Variants in AFAP1 observed in about 807,000 individuals in gnomAD.
AFAP1 encodes the protein actin filament-associated protein 1.
In AFAP1, 75 loss-of-function variants were observed where a neutral mutation model predicts 93.9. The observed-to-expected ratio is 0.80, with a 90% CI of 0.66 to 0.97. The LOEUF (loss-of-function observed/expected upper bound fraction) is 0.97, where lower values mean the gene tolerates loss of function less well. AFAP1 is among the 50% of genes least tolerant of loss of function. The probability of loss-of-function intolerance (pLI) is 0.00; values close to 1 mark genes in which losing one functional copy is unlikely to be tolerated. For missense variants in AFAP1, 1,201 were observed against 1,050.8 expected (o/e 1.14, Z -1.98); for synonymous variants, 517 against 430.7 (o/e 1.20, Z -2.48).
intron 3 of AFAP1, among the ~76,000 whole-genome samples, chr4:7,862,993 C>T (rs914029656): frequency 2.6e-5 from 4 of 152,202 alleles, no homozygotes; most frequent in East Asian, 3.9e-4. Context: ...CGGCAGCCAG[C>T]GTCAGCACAG....
At chr4:7,825,496 T>G (rs368245218) in intron 6 of AFAP1, among the ~76,000 whole-genome samples, 1 of 152,148 alleles carries the variant, frequency 6.6e-6, no homozygotes, top group African/African-American at 2.4e-5. Context: ...AATAAACCAT[T>G]AGTCAAAGAA....
chr4:7,930,777 G>T (rs768815763), intron 1 of AFAP1, among the ~76,000 whole-genome samples: 17 of 152,136 alleles, frequency 1.1e-4, no homozygotes, highest in Non-Finnish European at 2.4e-4. Flanking sequence ...TTGAGACAGA[G>T]TCTACCTCTG....
intron 4 of AFAP1, among the ~76,000 whole-genome samples, chr4:7,849,122 G>C (rs1308047914): frequency 1.3e-5 from 2 of 152,156 alleles, no homozygotes; most frequent in Admixed American, 6.5e-5. Context: ...AAGGGGACTG[G>C]AGCGCCACGC....
chr4:7,922,677 T>TG (rs1449047647), intron 1 of AFAP1, among the ~76,000 whole-genome samples: 51 of 152,298 alleles, frequency 3.3e-4, no homozygotes, highest in African/African-American at 1.2e-3. Context: ...AACCTGTCCT[T>TG]GATCTTAACA....
chr4:7,882,479 T>C (rs1364385306), intron 1 of AFAP1, among the ~76,000 whole-genome samples: 1 of 152,076 alleles, frequency 6.6e-6, no homozygotes, highest in Non-Finnish European at 1.5e-5. Context: ...AGACCACTTT[T>C]CCTTACATCA....
chr4:7,815,300 C>T (rs2149062888), intron 8 of AFAP1, among the ~76,000 whole-genome samples: 1 of 152,254 alleles, frequency 6.6e-6, no homozygotes, highest in Non-Finnish European at 1.5e-5. Context: ...TTCGCTCTTG[C>T]AACATTAAAA....
intron 6 of AFAP1, among the ~76,000 whole-genome samples, chr4:7,828,513 T>C (rs566833034): frequency 6.6e-6 from 1 of 152,298 alleles, no homozygotes; most frequent in African/African-American, 2.4e-5. Context: ...GTCCAGTTCT[T>C]GCCCCCAGAA....
intron 9 of AFAP1, among the ~76,000 whole-genome samples, chr4:7,807,813 T>C (rs1719659569): frequency 1.3e-5 from 2 of 152,228 alleles, no homozygotes; most frequent in Non-Finnish European, 2.9e-5. Context: ...CTGTCCTCCC[T>C]TCAAGACAGT....
intron 6 of AFAP1, among the ~76,000 whole-genome samples, chr4:7,823,916 A>G (rs961655982): frequency 6.6e-6 from 1 of 152,246 alleles, no homozygotes; most frequent in Non-Finnish European, 1.5e-5. Flanking sequence ...TCCCCCAGGC[A>G]TAATAACTAT....
Position 7,778,847 on chromosome 4 carries a change from A to G in AFAP1, c.1812T>C (p.Ser604=), listed in dbSNP as rs1246785537. The G allele has an allele frequency of 1.2e-6, 2 of 1,614,034 alleles. No individual in the cohort carries two copies. Among genetic ancestry groups the G allele is most frequent in the East Asian group, 4.5e-5 (2 of 44,882 alleles). ...TCTTCCCTTTTCCTGTGACCCCATT[A>G]GACGCCACGGGGGGCTTTTTACCCT... is the stretch of plus-strand genomic sequence containing the variant. ...QLKGKKPPVA[S]NGVTGKGKTL... is the part of the protein sequence containing the mutation. The change falls in exon 14 of 18, where the codon TCT becomes TCC. Residue 604 remains serine (S), a synonymous_variant. Transcript: ENST00000420658.
At chr4:7,893,093 G>A (rs111933401) in intron 1 of AFAP1, among the ~76,000 whole-genome samples, 2 of 152,254 alleles carry the variant, frequency 1.3e-5, no homozygotes, top group East Asian at 1.9e-4. Flanking sequence ...CCGGTGCCGG[G>A]GGGGCAGAAA....
chr4:7,805,146 T>TC (rs957354635), intron 9 of AFAP1, among the ~76,000 whole-genome samples: 2 of 152,146 alleles, frequency 1.3e-5, no homozygotes, highest in Non-Finnish European at 2.9e-5. Flanking sequence ...AGCGGTCCTC[T>TC]CCCCTTGGCC....
At chr4:7,837,481 T>A (rs770955153) in intron 6 of AFAP1, among the ~76,000 whole-genome samples, 3 of 152,166 alleles carry the variant, frequency 2.0e-5, no homozygotes, top group Non-Finnish European at 2.9e-5. Context: ...AGACACTGAA[T>A]AGAACGGTCC....
intron 5 of AFAP1, among the ~76,000 whole-genome samples, chr4:7,840,305 G>T (rs954640979): frequency 7.6e-6 from 1 of 131,180 alleles, no homozygotes; most frequent in African/African-American, 2.8e-5. Context: ...TTGTTTTTGG[G>T]GTGTGTGTGT....
chr4:7,926,773 G>A (rs534352188), intron 1 of AFAP1, among the ~76,000 whole-genome samples: 4 of 152,038 alleles, frequency 2.6e-5, no homozygotes, highest in Admixed American at 6.5e-5. Context: ...GTCTCCCTGT[G>A]TCGCCCAAGC....
At chr4:7,831,493 T>A (rs79996338) in intron 6 of AFAP1, among the ~76,000 whole-genome samples, 2,320 of 152,134 alleles carry the variant, frequency 0.015, 70 homozygotes, top group African/African-American at 0.053. Context: ...GTAGCTCCCA[T>A]CTGGTGAAAC....
At chr4:7,887,787 T>C (rs951179799) in intron 1 of AFAP1, among the ~76,000 whole-genome samples, 3 of 152,242 alleles carry the variant, frequency 2.0e-5, no homozygotes, top group East Asian at 1.9e-4. Flanking sequence ...GCTATTATAG[T>C]TTTTTAAATT....
intron 1 of AFAP1, among the ~76,000 whole-genome samples, chr4:7,907,060 G>T (rs1719452682): frequency 6.6e-6 from 1 of 151,396 alleles, no homozygotes; most frequent in South Asian, 2.1e-4. Context: ...CCTGTGCTAT[G>T]CAACACAGAG....
In AFAP1 at chr4:7,933,013, C is replaced by T. The variant is rs1273404719; in HGVS notation, c.-3+6643G>A. ...CCAGCCTGGGCAACAGAGTGAGACT[C>T]CCTCTCAAAAAAAAAAAAAAAAAAA... On this transcript the variant is annotated intron_variant, in intron 1 of 17. Transcript: ENST00000420658. Among the ~76,000 whole-genome samples, 5 of 130,754 alleles carry T rather than the reference C, an allele frequency of 3.8e-5. No homozygotes were observed. In the East Asian group the frequency reaches 1.0e-3, roughly 27 times the overall value. The allele number at this position is 130,754 out of a possible 152,430, so 85.8% of individuals were successfully genotyped here. A position where few individuals can be genotyped will look rare whatever the true frequency, so the allele number is the denominator to read the frequency against.
Sources: gnomAD v4.1 joint callset for allele counts (sites outside exome capture counted in the v4.1 genomes callset) on GRCh38, gnomAD v4.1.1 for gene constraint, MANE v1.5 for transcripts, NCBI Gene and HGNC (gene_info 2026-07-23, HGNC 2026-07-21) for gene names.